The following SYNPR variants were observed in gnomAD, a reference collection of about 807,000 sequenced individuals.
SYNPR encodes synaptoporin.
In SYNPR, 23 loss-of-function variants were observed where a neutral mutation model predicts 32.9. The observed-to-expected ratio is 0.70, with a 90% CI of 0.50 to 0.99. The LOEUF is 0.99. SYNPR is among the 50% of genes least tolerant of loss of function. The pLI, the probability that SYNPR is intolerant of heterozygous loss-of-function variation, is 0.00. For missense variants in SYNPR, 318 were observed against 349.3 expected, an observed-to-expected ratio of 0.91 and a Z score of 0.71; for synonymous variants, 146 against 135.9, an observed-to-expected ratio of 1.07 and a Z score of -0.52.
chr3:63,211,697 C>T, the SYNPR span, among the ~76,000 whole-genome samples: 1 of 123,398 alleles, frequency 8.1e-6, no homozygotes, highest in Non-Finnish European at 1.7e-5. Context: ...TAAGAAGAAG[C>T]TTGAATCTTT....
chr3:63,382,634 G>A (rs1044935837), intron 2 of SYNPR, among the ~76,000 whole-genome samples: 1 of 152,132 alleles, frequency 6.6e-6, no homozygotes, highest in Non-Finnish European at 1.5e-5. Context: ...AAGAAATCTC[G>A]GGGAACACAC....
At chr3:63,376,553 G>C (rs55661327) in intron 2 of SYNPR, among the ~76,000 whole-genome samples, 1,648 of 152,162 alleles carry the variant, frequency 0.011, 37 homozygotes, top group African/African-American at 0.038. Context: ...TTCTACCCCA[G>C]TGCCTTTGCA....
intron 3 of SYNPR, among the ~76,000 whole-genome samples, chr3:63,519,885 T>C (rs1575688822): frequency 6.6e-6 from 1 of 152,186 alleles, no homozygotes; most frequent in African/African-American, 2.4e-5. Flanking sequence ...AAAGAAAGTA[T>C]AAATTATCAT....
At chr3:63,258,282 C>A (rs1400865312) in intron 2 of SYNPR, among the ~76,000 whole-genome samples, 1 of 152,152 alleles carries the variant, frequency 6.6e-6, no homozygotes. Context: ...TTTTAAGCAC[C>A]ACACCACACC....
At chr3:63,517,041 T>C (rs1701814092) in intron 3 of SYNPR, among the ~76,000 whole-genome samples, 3 of 152,154 alleles carry the variant, frequency 2.0e-5, no homozygotes, top group Non-Finnish European at 4.4e-5. Context: ...AAAATGAACA[T>C]AACCTGTGGG....
intron 2 of SYNPR, among the ~76,000 whole-genome samples, chr3:63,437,615 G>C (rs938032901): frequency 6.6e-6 from 1 of 151,252 alleles, no homozygotes; most frequent in African/African-American, 2.4e-5. Flanking sequence ...AAAGGAAAAA[G>C]GGAAGGAAGA....
intron 2 of SYNPR, among the ~76,000 whole-genome samples, chr3:63,458,938 C>A (rs1232668735): frequency 6.6e-6 from 1 of 152,082 alleles, no homozygotes; most frequent in Non-Finnish European, 1.5e-5. Flanking sequence ...CCTCTCCCCA[C>A]TTTCTTTATA....
At chr3:63,316,772 G>C (rs962100752) in intron 2 of SYNPR, among the ~76,000 whole-genome samples, 2 of 151,736 alleles carry the variant, frequency 1.3e-5, no homozygotes, top group African/African-American at 4.8e-5. Context: ...TATTCTGCTG[G>C]GTTAGGGGTT....
At chr3:63,364,488 G>C (rs1416777284) in intron 2 of SYNPR, among the ~76,000 whole-genome samples, 1 of 152,100 alleles carries the variant, frequency 6.6e-6, no homozygotes, top group African/African-American at 2.4e-5. Context: ...ATTTGGCTTC[G>C]AATAGTCAAA....
intron 2 of SYNPR, among the ~76,000 whole-genome samples, chr3:63,320,843 G>T (rs1342823539): frequency 6.6e-6 from 1 of 151,988 alleles, no homozygotes; most frequent in Non-Finnish European, 1.5e-5. Context: ...TTCATGTTCT[G>T]AGTTATCTGT....
intron 2 of SYNPR, among the ~76,000 whole-genome samples, chr3:63,414,237 A>C (rs2088507828): frequency 6.6e-6 from 1 of 152,184 alleles, no homozygotes; most frequent in South Asian, 2.1e-4. Context: ...AAAACTTAAA[A>C]TGTAGTTGAC....
intron 2 of SYNPR, among the ~76,000 whole-genome samples, chr3:63,390,226 A>C (rs2088113678): frequency 1.3e-5 from 2 of 152,182 alleles, no homozygotes; most frequent in Admixed American, 1.3e-4. Flanking sequence ...TTTTAATCCA[A>C]AGATGGAACA....
intron 2 of SYNPR, among the ~76,000 whole-genome samples, chr3:63,358,962 C>CCTGA (rs2087621460): frequency 6.6e-6 from 1 of 152,130 alleles, no homozygotes; most frequent in Non-Finnish European, 1.5e-5. Context: ...CCTCTTCTTC[C>CCTGA]CTGAGTCTCT....
At chr3:63,445,620 A>G (rs1559501468) in intron 2 of SYNPR, 6 of 675,230 alleles carry the variant, frequency 8.9e-6, no homozygotes, top group African/African-American at 3.6e-5. Flanking sequence ...AGCATTTTAC[A>G]TGGCTTATCC....
At chr3:63,261,882 T>C (rs1233004342) in intron 2 of SYNPR, among the ~76,000 whole-genome samples, 1 of 148,564 alleles carries the variant, frequency 6.7e-6, no homozygotes, top group Admixed American at 6.7e-5. Context: ...TGTCGTGGGG[T>C]GGGGGGAGAG....
At chr3:63,550,555 T>C (rs1436127825) in intron 3 of SYNPR, among the ~76,000 whole-genome samples, 2 of 152,158 alleles carry the variant, frequency 1.3e-5, no homozygotes, top group African/African-American at 4.8e-5. Context: ...AAGTCAGCAA[T>C]GGGCAAAATA....
At chr3:63,408,142 AAAAGAAAG>A (rs199743513) in intron 2 of SYNPR, among the ~76,000 whole-genome samples, 1,369 of 28,424 alleles carry the variant, frequency 0.048, 108 homozygotes, top group Non-Finnish European at 0.064. Flanking sequence ...TAGAAGAAAG[AAAAGAAAG>A]AAAGAAAGAA....
At chr3:63,596,168 C>G (rs1187166452) in intron 4 of SYNPR, among the ~76,000 whole-genome samples, 1 of 151,006 alleles carries the variant, frequency 6.6e-6, no homozygotes, top group Non-Finnish European at 1.5e-5. Context: ...TGCTCTCAGA[C>G]ACTGCCGCTG....
chr3:63,411,653 CAT>C (rs1007159104), intron 2 of SYNPR, among the ~76,000 whole-genome samples: 4 of 151,966 alleles, frequency 2.6e-5, no homozygotes, highest in Non-Finnish European at 4.4e-5. Context: ...TTCCAGGAGA[CAT>C]AAACAGCATG....
Sources: allele counts gnomAD v4.1 joint callset (sites outside exome capture counted in the v4.1 genomes callset), GRCh38; gene constraint gnomAD v4.1.1; transcripts MANE v1.5; gene names NCBI Gene and HGNC (gene_info 2026-07-23, HGNC 2026-07-21).